Variants in CSGALNACT1 observed in about 807,000 individuals in gnomAD.
CSGALNACT1 encodes the protein chondroitin sulfate N-acetylgalactosaminyltransferase 1.
Under a neutral mutation model 51.0 loss-of-function variants are expected in CSGALNACT1, and 52 were observed. The ratio of observed to expected loss-of-function variants is 1.02; its 90% CI spans 0.82 to 1.29. CSGALNACT1 has a LOEUF of 1.29. Among genes scored for constraint, CSGALNACT1 ranks in the 50% most tolerant of loss-of-function variants. The pLI is 0.00. For synonymous variants in CSGALNACT1, 341 were observed against 254.4 expected (o/e 1.34, Z -3.24); for missense variants, 935 against 679.2 (o/e 1.38, Z -4.19).
intron 3 of CSGALNACT1, among the ~76,000 whole-genome samples, chr8:19,553,656 T>G (rs1186053847): frequency 6.9e-6 from 1 of 144,812 alleles, no homozygotes; most frequent in East Asian, 2.0e-4. Context: ...TATGTCAGCC[T>G]TTCTATTACT....
chr8:19,447,348 C>G (rs185817272), intron 5 of CSGALNACT1, among the ~76,000 whole-genome samples: 61 of 152,242 alleles, frequency 4.0e-4, no homozygotes, highest in African/African-American at 1.4e-3. Context: ...AAACTCCAAA[C>G]GTAAATAGGC....
chr8:19,405,526 G>C (rs2153656721), exon 10 of CSGALNACT1: 2 of 640,494 alleles, frequency 3.1e-6, no homozygotes, highest in South Asian at 3.0e-5. Flanking sequence ...ACACCATTAG[G>C]CTTATAATCT....
At chr8:19,695,986 T>C (rs7017723) in intron 1 of CSGALNACT1, among the ~76,000 whole-genome samples, 71,433 of 152,072 alleles carry the variant, frequency 0.47, 17,135 homozygotes, top group East Asian at 0.62. Flanking sequence ...AAATAAAAAA[T>C]GAACAGGAAA....
At chr8:19,486,897 G>C (rs1023985647) in intron 4 of CSGALNACT1, among the ~76,000 whole-genome samples, 1 of 152,124 alleles carries the variant, frequency 6.6e-6, no homozygotes, top group Non-Finnish European at 1.5e-5. Context: ...CTGGCGCACA[G>C]TAGCTGCCCA....
chr8:19,708,458 G>A (rs971741619), intron 1 of CSGALNACT1, among the ~76,000 whole-genome samples: 11 of 152,084 alleles, frequency 7.2e-5, no homozygotes, highest in Admixed American at 5.9e-4. Context: ...TATTCACAGC[G>A]GCACACTGTG....
At chr8:19,529,615 T>C (rs1350091471) in intron 3 of CSGALNACT1, among the ~76,000 whole-genome samples, 1 of 152,116 alleles carries the variant, frequency 6.6e-6, no homozygotes, top group Non-Finnish European at 1.5e-5. Context: ...AATGAAAAAG[T>C]GGTAAGGGAA....
intron 4 of CSGALNACT1, among the ~76,000 whole-genome samples, chr8:19,490,484 G>A (rs1455238564): frequency 6.6e-6 from 1 of 152,210 alleles, no homozygotes; most frequent in Non-Finnish European, 1.5e-5. Flanking sequence ...AGCATCATAA[G>A]ATGCCACCAG....
Position 19,505,441 on chromosome 8 carries a change from C to A in CSGALNACT1, c.394G>T (p.Glu132Ter). 1.2e-6 allele frequency: 2 copies of A among 1,614,250 alleles called. No homozygotes were observed. The highest frequency in any genetic ancestry group is 1.7e-6 in the Non-Finnish European group (2 of 1,180,046). ...GCCAGCTTGACGCCAGCATTCACCT[C>A]TGCCTTGTCCACCTGCGAGTGCAGG... The change falls in exon 4 of 10, where the codon GAG becomes TAG. Residue 132 changes from glutamate (E) to a stop codon, truncating the protein, a stop_gained. Transcript: ENST00000454498. LOFTEE classifies it high-confidence loss of function.
intron 4 of CSGALNACT1, among the ~76,000 whole-genome samples, chr8:19,461,565 C>G: frequency 6.8e-6 from 1 of 146,242 alleles, no homozygotes; most frequent in Non-Finnish European, 1.5e-5. Context: ...CGTATCCGCA[C>G]AGCGGCCACA....
At chr8:19,702,712 C>T (rs1432409842) in intron 1 of CSGALNACT1, among the ~76,000 whole-genome samples, 1 of 152,118 alleles carries the variant, frequency 6.6e-6, no homozygotes, top group Non-Finnish European at 1.5e-5. Flanking sequence ...CATCTTCTCC[C>T]ATCCATCACC....
At chr8:19,694,308 A>G (rs1035561160) in intron 1 of CSGALNACT1, among the ~76,000 whole-genome samples, 4 of 152,220 alleles carry the variant, frequency 2.6e-5, no homozygotes, top group Admixed American at 6.5e-5. Context: ...TGTAGTAAGT[A>G]CAGTATAATG....
chr8:19,543,724 C>G (rs918767026), intron 3 of CSGALNACT1, among the ~76,000 whole-genome samples: 7 of 152,304 alleles, frequency 4.6e-5, no homozygotes, highest in Admixed American at 4.6e-4. Flanking sequence ...CCAGACTACA[C>G]TCATCTCTTT....
chr8:19,435,030 G>C (rs561480881), intron 6 of CSGALNACT1, among the ~76,000 whole-genome samples: 1 of 152,130 alleles, frequency 6.6e-6, no homozygotes. Flanking sequence ...CCCTCTCCTA[G>C]CATCACATAC....
chr8:19,668,309 C>T (rs1475060714), intron 1 of CSGALNACT1, among the ~76,000 whole-genome samples: 1 of 150,820 alleles, frequency 6.6e-6, no homozygotes, highest in Non-Finnish European at 1.5e-5. Flanking sequence ...CCACTCATAG[C>T]TCAATCTCTG....
intron 1 of CSGALNACT1, among the ~76,000 whole-genome samples, chr8:19,703,787 T>A (rs527348118): frequency 6.6e-6 from 1 of 152,228 alleles, no homozygotes; most frequent in Non-Finnish European, 1.5e-5. Flanking sequence ...CAACATATTC[T>A]ACACCAAGTA....
intron 1 of CSGALNACT1, among the ~76,000 whole-genome samples, chr8:19,673,768 CAG>C (rs1305095085): frequency 1.3e-5 from 2 of 152,190 alleles, no homozygotes; most frequent in African/African-American, 2.4e-5. Context: ...TCTTTTGAAA[CAG>C]AGTTTTAAAA....
At chr8:19,545,136 C>T (rs1270913802) in intron 3 of CSGALNACT1, among the ~76,000 whole-genome samples, 1 of 152,070 alleles carries the variant, frequency 6.6e-6, no homozygotes, top group East Asian at 1.9e-4. Context: ...ATATTTTCCT[C>T]CAATAAAACT....
chr8:19,717,964 A>G (rs1462827365), intron 1 of CSGALNACT1, among the ~76,000 whole-genome samples: 1 of 152,060 alleles, frequency 6.6e-6, no homozygotes, highest in Non-Finnish European at 1.5e-5. Flanking sequence ...GATGCCCTAT[A>G]ACTACCCCTG....
chr8:19,601,373 G>C (rs901239633), intron 2 of CSGALNACT1, among the ~76,000 whole-genome samples: 6 of 152,198 alleles, frequency 3.9e-5, no homozygotes, highest in Non-Finnish European at 2.9e-5. Context: ...TTTGATGACA[G>C]GGTGACTATT....
Sources: gnomAD v4.1 joint callset for allele counts (sites outside exome capture counted in the v4.1 genomes callset) on GRCh38, gnomAD v4.1.1 for gene constraint, MANE v1.5 for transcripts, NCBI Gene and HGNC (gene_info 2026-07-23, HGNC 2026-07-21) for gene names.